Variants in POGZ observed in about 807,000 individuals in gnomAD.
POGZ encodes pogo transposable element derived with ZNF domain, also known as pogo transposable element with ZNF domain.
In POGZ, 17 loss-of-function variants were observed where a neutral mutation model predicts 134.6. The ratio of observed to expected loss-of-function variants is 0.13; its 90% CI spans 0.09 to 0.19. The LOEUF (loss-of-function observed/expected upper bound fraction) is 0.19. Ranked by LOEUF, POGZ falls within the 10% of genes least tolerant of loss-of-function variation. The probability of loss-of-function intolerance (pLI) is 1.00; values close to 1 mark genes in which losing one functional copy is unlikely to be tolerated. For synonymous variants in POGZ, 693 were observed against 657.1 expected (o/e 1.05, Z -0.84); for missense variants, 1,306 against 1,769.7 (o/e 0.74, Z 4.70).
chr1:151,441,143 T>C, intron 2 of POGZ, 57 bp from the exon 3 acceptor site: 6 of 1,420,912 alleles, frequency 4.2e-6, no homozygotes, highest in Non-Finnish European at 5.8e-6. Context: ...CACTAAAGGA[T>C]ACTGCTCTAA....
At chr1:151,410,787 C>G (rs546283843) in intron 12 of POGZ, among the ~76,000 whole-genome samples, 2 of 152,166 alleles carry the variant, frequency 1.3e-5, no homozygotes, top group Non-Finnish European at 2.9e-5. Flanking sequence ...TATACTTTCT[C>G]TATTGTTTCT....
At chr1:151,419,668 CAAAAAAAAA>C (rs59593149) in intron 10 of POGZ, among the ~76,000 whole-genome samples, 4 of 43,656 alleles carry the variant, frequency 9.2e-5, no homozygotes, top group East Asian at 1.3e-3. Flanking sequence ...GACCCTGTCT[CAAAAAAAAA>C]AAAAAAAAAA....
rs369714632 is a variant in POGZ, at chr1:151,406,083, A to C, written c.2952T>G (p.Ala984=). ...CTGCCTGTTCTGTATTGCAGCATAG[A>C]GCAAACAGTACTACTCGAAGCTTCT... ...SVKKLRVVLF[A]LCCNTEQAAE... Residue 984 remains alanine, a synonymous_variant, in exon 19 of 19, where the codon GCT becomes GCG. Transcript: ENST00000271715. The C allele has an allele frequency of 1.9e-6, 3 of 1,614,198 alleles. No individual in the cohort carries two copies. Among genetic ancestry groups the C allele is most frequent in the East Asian group, 2.2e-5 (1 of 44,886 alleles).
chr1:151,449,572 C>A (rs180996152), intron 1 of POGZ, among the ~76,000 whole-genome samples: 1 of 152,170 alleles, frequency 6.6e-6, no homozygotes, highest in Non-Finnish European at 1.5e-5. Flanking sequence ...ACATTCTATA[C>A]ATAAAGAACT....
chr1:151,413,086 G>A (rs1654955857), intron 10 of POGZ, among the ~76,000 whole-genome samples: 1 of 148,202 alleles, frequency 6.7e-6, no homozygotes. Context: ...TTATAGGTGT[G>A]AGCCACCGTG....
intron 1 of POGZ, chr1:151,450,998 A>T (rs1045776077): frequency 6.6e-6 from 1 of 152,010 alleles, no homozygotes; most frequent in African/African-American, 2.4e-5. Flanking sequence ...TCAGGAGTTC[A>T]AAACCAGCCT....
At chr1:151,434,833 T>TGCACATAAATCA (rs1450169678) in intron 3 of POGZ, among the ~76,000 whole-genome samples, 1 of 152,042 alleles carries the variant, frequency 6.6e-6, no homozygotes, top group African/African-American at 2.4e-5. Flanking sequence ...CTGCCCACCT[T>TGCACATAAATCA]GCACATAAAT....
In POGZ at chr1:151,405,693, G is replaced by A; in HGVS notation, c.3342C>T (p.Asn1114=). ...FIDFVQRQIH[N]QDLPLSMIVA... ...CAATCATAGACAAGGGTAAGTCCTGGTTGTGAATCTGCCGTTGTACAAAAT... is the reference window on the plus strand; with the variant it reads ...CAATCATAGACAAGGGTAAGTCCTGATTGTGAATCTGCCGTTGTACAAAAT... The change falls in exon 19 of 19, where the codon AAC becomes AAT. Residue 1114 remains asparagine (N), a synonymous_variant. Coordinates refer to ENST00000271715, the MANE Select transcript of POGZ (RefSeq NM_015100.4). This position sits in a 1 kb window ranked among gnomAD's most constrained non-coding sequence, Gnocchi z 4.9. 1 of 1,614,178 alleles carries A rather than the reference G, an allele frequency of 6.2e-7. No individual in the cohort carries two copies. The highest frequency in any genetic ancestry group is 8.5e-7 in the Non-Finnish European group (1 of 1,180,000).
intron 14 of POGZ, 22 bp from the exon 15 acceptor site, chr1:151,408,262 A>C (rs1654034823): frequency 1.2e-6 from 2 of 1,601,094 alleles, no homozygotes; most frequent in Non-Finnish European, 8.5e-7. Flanking sequence ...AAAAAAAAAG[A>C]ATTCTCATTA....
intron 12 of POGZ, 133 bp downstream of exon 12, chr1:151,411,492 C>A: frequency 1.7e-6 from 1 of 605,796 alleles, no homozygotes; most frequent in East Asian, 2.8e-5. Context: ...TAAGTGAATT[C>A]AATAAATTTC....
At chr1:151,452,968 A>G (rs1049577171) in intron 1 of POGZ, among the ~76,000 whole-genome samples, 6 of 150,894 alleles carry the variant, frequency 4.0e-5, no homozygotes, top group African/African-American at 9.7e-5. Flanking sequence ...AGTCTCGCTC[A>G]GTTGCCCAGG....
chr1:151,450,049 T>TTG (rs869132156), intron 1 of POGZ, among the ~76,000 whole-genome samples: 2 of 109,758 alleles, frequency 1.8e-5, no homozygotes, highest in Non-Finnish European at 4.2e-5. Flanking sequence ...TTTTTTTTTT[T>TTG]GAGACGGAGT....
intron 7 of POGZ, 35 bp from the exon 8 acceptor site, chr1:151,425,096 C>A (rs374087138): frequency 1.1e-5 from 12 of 1,080,856 alleles, no homozygotes; most frequent in African/African-American, 1.6e-5. Flanking sequence ...AAGATTAATA[C>A]AATGACACTG....
At chr1:151,442,308 C>G in intron 1 of POGZ, 103 bp from the exon 2 acceptor site, 1 of 895,958 alleles carries the variant, frequency 1.1e-6, no homozygotes, top group Non-Finnish European at 1.7e-6. Context: ...AACCTACCTC[C>G]TTGGACTCCT....
chr1:151,412,059 G>C (rs1309262138), intron 11 of POGZ, among the ~76,000 whole-genome samples: 1 of 152,160 alleles, frequency 6.6e-6, no homozygotes, highest in Non-Finnish European at 1.5e-5. Flanking sequence ...TCAGGAGACA[G>C]ACACTCCCTT....
intron 10 of POGZ, among the ~76,000 whole-genome samples, chr1:151,416,210 C>CAAAAAA (rs1212371839): frequency 1.9e-3 from 80 of 42,006 alleles, no homozygotes; most frequent in East Asian, 8.4e-3. Context: ...AACTCCATCT[C>CAAAAAA]AAAAAAAAAA....
At chr1:151,435,388 A>G (rs1034946409) in intron 3 of POGZ, among the ~76,000 whole-genome samples, 1 of 152,230 alleles carries the variant, frequency 6.6e-6, no homozygotes, top group South Asian at 2.1e-4. Context: ...CTGTGCAAAC[A>G]TAAGATGAGT....
At chr1:151,449,453 T>C (rs1661734419) in intron 1 of POGZ, among the ~76,000 whole-genome samples, 1 of 152,120 alleles carries the variant, frequency 6.6e-6, no homozygotes, top group Non-Finnish European at 1.5e-5. Flanking sequence ...ATGCATAGGA[T>C]AGCCTGGAGA....
intron 3 of POGZ, among the ~76,000 whole-genome samples, chr1:151,438,282 T>C (rs1218467764): frequency 6.6e-6 from 1 of 152,090 alleles, no homozygotes; most frequent in Non-Finnish European, 1.5e-5. Flanking sequence ...ATTTTTTATA[T>C]AGATATATAA....
Sources: gnomAD v4.1 joint callset for allele counts (sites outside exome capture counted in the v4.1 genomes callset) on GRCh38, gnomAD v4.1.1 for gene constraint, Gnocchi (gnomAD v3.1) non-coding constraint, MANE v1.5 for transcripts, NCBI Gene and HGNC (gene_info 2026-07-23, HGNC 2026-07-21) for gene names.